Variants in ACTR3C observed in about 807,000 individuals in gnomAD.
ACTR3C encodes actin-related protein 3C.
Under a neutral mutation model 26.3 loss-of-function variants are expected in ACTR3C, and 18 were observed. The ratio of observed to expected loss-of-function variants is 0.68; its 90% confidence interval spans 0.47 to 1.01. The LOEUF is 1.01. Ranked by LOEUF, ACTR3C falls within the 50% of genes least tolerant of loss-of-function variation. ACTR3C has a pLI of 0.00. For missense variants in ACTR3C, 184 were observed against 250.7 expected, an observed-to-expected ratio of 0.73 and a Z score of 1.80; for synonymous variants, 55 against 94.5, an observed-to-expected ratio of 0.58 and a Z score of 2.42.
chr7:150,038,743 TG>T, the ACTR3C span, among the ~76,000 whole-genome samples: 1,645 of 141,830 alleles, frequency 0.012, 154 homozygotes, highest in East Asian at 0.027. Flanking sequence ...GGAGCAACGA[TG>T]GGGGGGTCCT....
chr7:150,146,814 A>G, the ACTR3C span, among the ~76,000 whole-genome samples: 4 of 152,240 alleles, frequency 2.6e-5, no homozygotes, highest in African/African-American at 9.6e-5. Flanking sequence ...GCCATCTGCT[A>G]AATAACTGAT....
chr7:150,039,672 G>C, the ACTR3C span, among the ~76,000 whole-genome samples: 1 of 125,922 alleles, frequency 7.9e-6, no homozygotes, highest in African/African-American at 2.9e-5. Context: ...AGGATCTTAG[G>C]ATCAACGATG....
At chr7:149,884,685 A>C in the ACTR3C span, among the ~76,000 whole-genome samples, 2 of 152,128 alleles carry the variant, frequency 1.3e-5, no homozygotes, top group Non-Finnish European at 2.9e-5. Context: ...ACCTCCAGGG[A>C]TGAAGGAGGC....
the ACTR3C span, among the ~76,000 whole-genome samples, chr7:150,148,283 C>G: frequency 6.6e-6 from 1 of 151,810 alleles, no homozygotes; most frequent in Non-Finnish European, 1.5e-5. Context: ...TCGAGACCAG[C>G]CTTGCCAACG....
chr7:150,290,341 G>A (rs994236637), intron 3 of ACTR3C, among the ~76,000 whole-genome samples: 7 of 152,152 alleles, frequency 4.6e-5, no homozygotes, highest in Non-Finnish European at 2.9e-5. Flanking sequence ...AGCAATGATG[G>A]GCCCAAAGCT....
the ACTR3C span, among the ~76,000 whole-genome samples, chr7:149,925,920 C>T: frequency 6.6e-6 from 1 of 151,846 alleles, no homozygotes; most frequent in Non-Finnish European, 1.5e-5. Flanking sequence ...AAAATTAGCC[C>T]GATGTGGTGG....
chr7:150,152,278 G>C, the ACTR3C span, among the ~76,000 whole-genome samples: 1 of 152,070 alleles, frequency 6.6e-6, no homozygotes, highest in Non-Finnish European at 1.5e-5. Flanking sequence ...CTGTGGGTTT[G>C]TCATAGATAG....
intron 1 of ACTR3C, among the ~76,000 whole-genome samples, chr7:150,318,557 T>A (rs1284030921): frequency 3.3e-5 from 5 of 151,272 alleles, no homozygotes; most frequent in Non-Finnish European, 7.4e-5. Flanking sequence ...AGATCAGGAG[T>A]TCAAGACCAG....
the ACTR3C span, among the ~76,000 whole-genome samples, chr7:149,921,846 C>G: frequency 5.9e-5 from 9 of 151,940 alleles, no homozygotes; most frequent in African/African-American, 2.2e-4. Context: ...CACTGCACTC[C>G]AGCCTGGGTG....
the ACTR3C span, among the ~76,000 whole-genome samples, chr7:149,944,189 C>A: frequency 6.6e-6 from 1 of 151,746 alleles, no homozygotes; most frequent in African/African-American, 2.4e-5. Flanking sequence ...GTCCCATGCT[C>A]CTGGGTTTCT....
chr7:150,120,933 T>C, the ACTR3C span, among the ~76,000 whole-genome samples: 1 of 152,186 alleles, frequency 6.6e-6, no homozygotes, highest in Non-Finnish European at 1.5e-5. Context: ...TGGTTCAACA[T>C]ATGCAAATCA....
chr7:149,960,413 G>A, the ACTR3C span, among the ~76,000 whole-genome samples: 2 of 152,140 alleles, frequency 1.3e-5, no homozygotes, highest in African/African-American at 4.8e-5. Context: ...CTGGAATAAA[G>A]ATTCTGTGGT....
the ACTR3C span, among the ~76,000 whole-genome samples, chr7:150,042,739 T>A: frequency 7.2e-4 from 108 of 149,568 alleles, no homozygotes; most frequent in African/African-American, 2.0e-3. Flanking sequence ...CAAGGCCCTC[T>A]AATAGGGGGG....
the ACTR3C span, among the ~76,000 whole-genome samples, chr7:150,134,341 G>T: frequency 6.6e-6 from 1 of 152,130 alleles, no homozygotes; most frequent in Non-Finnish European, 1.5e-5. Context: ...GGAGGTAAAG[G>T]GCTGGGGAGA....
the ACTR3C span, among the ~76,000 whole-genome samples, chr7:150,003,306 A>T: frequency 1.3e-5 from 2 of 152,272 alleles, no homozygotes; most frequent in Admixed American, 6.5e-5. Context: ...TTGGTATAAT[A>T]TGTGCAGTGT....
chr7:150,123,582 A>AAC, the ACTR3C span, among the ~76,000 whole-genome samples: 6,186 of 119,118 alleles, frequency 0.052, 195 homozygotes, highest in East Asian at 0.21. Flanking sequence ...AGCAAAGGTC[A>AAC]ACACACACAC....
chr7:150,247,227 T>C lies in ACTR3C; in HGVS notation c.*381A>G, dbSNP rs1262664457. ...AAACAAACAGTGACCTCAATAACCA[T>C]TTATTTCTGGCACAGCTTTCCCTCT... On this transcript the variant is annotated 3_prime_UTR_variant, in exon 8 of 8. Transcript: ENST00000683684. 6.6e-6 allele frequency: 1 copy of C among 152,272 alleles called. No homozygotes were observed. The highest frequency in any genetic ancestry group is 1.5e-5 in the Non-Finnish European group (1 of 68,056). 9.4% of individuals were successfully genotyped at this position (152,272 alleles called of 1,614,324 possible).
the ACTR3C span, among the ~76,000 whole-genome samples, chr7:149,886,900 C>T: frequency 6.6e-6 from 1 of 150,878 alleles, no homozygotes; most frequent in Non-Finnish European, 1.5e-5. Flanking sequence ...GTTGAGGCTA[C>T]AGTGAGCAGA....
the ACTR3C span, among the ~76,000 whole-genome samples, chr7:150,140,049 C>G: frequency 3.9e-5 from 6 of 152,128 alleles, no homozygotes. Context: ...CACTCGCACA[C>G]ACATGCACAC....
Sources: gnomAD v4.1 joint callset for allele counts (sites outside exome capture counted in the v4.1 genomes callset) on GRCh38, gnomAD v4.1.1 for gene constraint, MANE v1.5 for transcripts, NCBI Gene and HGNC (gene_info 2026-07-23, HGNC 2026-07-21) for gene names.